Variants in DERPC observed in about 807,000 individuals in gnomAD.
The protein encoded by DERPC is DERPC proline and glycine rich nuclear protein.
A neutral mutation model predicts 7.2 loss-of-function variants in DERPC; 1 was observed. The observed-to-expected ratio is 0.14, with a 90% CI of 0.05 to 0.66. DERPC has a LOEUF of 0.66. DERPC is among the 30% of genes least tolerant of loss of function. DERPC has a pLI of 0.84. For missense variants in DERPC, 502 were observed against 299.4 expected (o/e 1.68, Z -4.99); for synonymous variants, 185 against 117.6 (o/e 1.57, Z -3.71).
chr16:69,122,237 G>A (rs779724948), intron 1 of DERPC, among the ~76,000 whole-genome samples: 3 of 152,124 alleles, frequency 2.0e-5, no homozygotes, highest in Non-Finnish European at 4.4e-5. Context: ...ATCACCAATG[G>A]TCAACTGTAT....
At chr16:69,121,832 T>C (rs1187565606) in intron 1 of DERPC, among the ~76,000 whole-genome samples, 1 of 152,018 alleles carries the variant, frequency 6.6e-6, no homozygotes, top group African/African-American at 2.4e-5. Context: ...CACGGCCGGC[T>C]AATTTTTTTT....
rs1378879550 is a variant in DERPC, at chr16:69,120,045, G to C, written c.384C>G (p.Thr128=). The C allele has an allele frequency of 1.4e-6, 1 of 689,812 alleles. No individual in the cohort carries two copies. 42.7% of individuals were successfully genotyped at this position (689,812 alleles called of 1,614,324 possible). The change falls in exon 3 of 3, where the codon ACC becomes ACG. Residue 128 remains threonine, a synonymous_variant. Transcript: ENST00000519520. The surrounding 1 kb of genome is among the most constrained non-coding windows in gnomAD (Gnocchi z 4.0). ...LLGPGPGPGP[T]LNPRTGALPG... ...GCAGAGCCCCTGTCCTAGGGTTTAG[G>C]GTGGGGCCTGGGCCTGGGCCTGGCC... is the stretch of plus-strand genomic sequence containing the variant.
intron 1 of DERPC, among the ~76,000 whole-genome samples, chr16:69,126,382 G>C (rs754360094): frequency 1.7e-4 from 26 of 152,168 alleles, no homozygotes; most frequent in Non-Finnish European, 3.4e-4. Flanking sequence ...TTGGTTGCTG[G>C]GATGGCACAG....
intron 2 of DERPC, 73 bp downstream of exon 2, chr16:69,121,363 T>C: frequency 7.1e-7 from 1 of 1,400,494 alleles, no homozygotes; most frequent in Non-Finnish European, 9.9e-7. Flanking sequence ...ACCCTGATTC[T>C]TCCAGACACA....
At position 69,119,095 on chromosome 16, in the gene DERPC, G is replaced by A. The variant is rs1961404924; in HGVS notation, c.1334C>T (p.Ala445Val). 2.8e-6 allele frequency: 2 copies of A among 702,962 alleles called. No individual in the cohort carries two copies. Among genetic ancestry groups the A allele is most frequent in the Admixed American group, 2.0e-5 (1 of 50,006 alleles). The allele number at this position is 702,962 out of a possible 1,614,324, so 43.5% of individuals were successfully genotyped here. The change falls in exon 3 of 3, where the codon GCT becomes GTT. Residue 445 changes from alanine to valine, a missense_variant. Physicochemically the swap from Ala to Val is moderately conservative, Grantham distance 64. Coordinates refer to ENST00000519520, the MANE Select transcript of DERPC (RefSeq NM_001002847.4). ...TGGAGAAGGGCCCAGATGCCCGGCAGCTGGCCTGGGGAAAGTAACTTGACC... is the reference window on the plus strand; with the variant it reads ...TGGAGAAGGGCCCAGATGCCCGGCAACTGGCCTGGGGAAAGTAACTTGACC... Reference protein sequence around the residue: ...GPGQVTFPRPAAGHLGPSPAG... With the variant: ...GPGQVTFPRPVAGHLGPSPAG...
In DERPC at chr16:69,118,892, T is replaced by C. The variant is rs1262516621; in HGVS notation, c.1537A>G (p.Met513Val). ...PAAFPRPGGP[M>V]AAMYPNGMLP... ...ATTCCATTTGGGTACATTGCAGCCA[T>C]TGGACCCCCTGGTCTGGGGAAAGCA... The change falls in exon 3 of 3, where the codon ATG (methionine) becomes GTG (valine). Residue 513 changes from methionine (M) to valine (V), a missense_variant. Transcript: ENST00000519520. 2.0e-5 allele frequency: 14 copies of C among 703,064 alleles called. No homozygotes were observed. The highest frequency in any genetic ancestry group is 4.6e-4 in the Middle Eastern group (2 of 4,370). 43.6% of individuals were successfully genotyped at this position (703,064 alleles called of 1,614,324 possible).
Position 69,120,454 on chromosome 16 carries a change from T to C in DERPC, c.-26A>G. ...ACTTTCTTGGGGACGCTGGTGATAA[T>C]GGGCTTGGGGCGGGTTTTGAAAAGG... On this transcript the variant is annotated 5_prime_UTR_variant, in exon 3 of 3. Coordinates refer to ENST00000519520, the MANE Select transcript of DERPC (RefSeq NM_001002847.4). This position sits in a 1 kb window ranked among gnomAD's most constrained non-coding sequence, Gnocchi z 4.0. The C allele has an allele frequency of 1.2e-6, 2 of 1,614,122 alleles. No individual in the cohort carries two copies. Among genetic ancestry groups the C allele is most frequent in the Non-Finnish European group, 1.7e-6 (2 of 1,180,008 alleles).
chr16:69,126,920 G>A (rs1300045090), intron 1 of DERPC, among the ~76,000 whole-genome samples: 2 of 152,156 alleles, frequency 1.3e-5, no homozygotes, highest in Non-Finnish European at 2.9e-5. Flanking sequence ...AGGTGGCAGG[G>A]AGTATATATT....
rs1385033876 is a variant in DERPC at position 69,119,819 on chromosome 16, C to T, written c.610G>A (p.Gly204Ser). The T allele has an allele frequency of 5.1e-5, 36 of 701,094 alleles. No individual in the cohort carries two copies. The highest frequency in any genetic ancestry group is 8.3e-5 in the Non-Finnish European group (32 of 384,972). 43.4% of individuals were successfully genotyped at this position (701,094 alleles called of 1,614,324 possible). A position where few individuals can be genotyped will look rare whatever the true frequency, so the allele number is the denominator to read the frequency against. ...TTGGGGTTTGGTCCTGGGCCCAGGC[C>T]AACTGGCCTAGGATTGGGAGGACCA... The part of the protein sequence containing the change: ...GNGPPNPRPV[G>S]LGPGPNPNLR... Residue 204 changes from glycine (G) to serine (S), a missense_variant, in exon 3 of 3, where the codon GGC becomes AGC. By Grantham distance (56) the Gly-to-Ser change is moderately conservative. Transcript: ENST00000519520.
rs1961361610 is a variant in DERPC, at chr16:69,118,676, C to T, written c.*178G>A. ...CCCACCTGCCACAGTTCACATGCCA[C>T]AAATAACATCTCACCTTCAGTCAAG... On this transcript the variant is annotated 3_prime_UTR_variant, in exon 3 of 3. Coordinates refer to ENST00000519520, the MANE Select transcript of DERPC (RefSeq NM_001002847.4). The T allele has an allele frequency of 1.5e-6, 1 of 675,724 alleles. No individual in the cohort carries two copies. Among genetic ancestry groups the T allele is most frequent in the African/African-American group, 1.8e-5 (1 of 55,920 alleles). 41.9% of individuals were successfully genotyped at this position (675,724 alleles called of 1,614,324 possible). A position where few individuals can be genotyped will look rare whatever the true frequency, so the allele number is the denominator to read the frequency against.
chr16:69,128,271 G>C (rs552583131), intron 1 of DERPC, among the ~76,000 whole-genome samples: 1 of 152,246 alleles, frequency 6.6e-6, no homozygotes, highest in South Asian at 2.1e-4. Context: ...CATGTCTTTC[G>C]TTAGGAACAA....
At chr16:69,129,964 C>A (rs967541058) in intron 1 of DERPC, among the ~76,000 whole-genome samples, 2 of 152,212 alleles carry the variant, frequency 1.3e-5, no homozygotes, top group Non-Finnish European at 2.9e-5. Flanking sequence ...AATGCCACCT[C>A]TAGGACGCAA....
intron 1 of DERPC, among the ~76,000 whole-genome samples, chr16:69,122,770 G>A (rs1477568037): frequency 6.6e-6 from 1 of 152,048 alleles, no homozygotes; most frequent in African/African-American, 2.4e-5. Context: ...TCGAACTCCT[G>A]ACTTCAGGTT....
At chr16:69,125,494 A>G (rs544760038) in intron 1 of DERPC, among the ~76,000 whole-genome samples, 5 of 152,288 alleles carry the variant, frequency 3.3e-5, no homozygotes, top group African/African-American at 1.2e-4. Flanking sequence ...TTCCCAAAGG[A>G]AAAAAAGTAT....
chr16:69,119,572 C>G lies in DERPC; in HGVS notation c.857G>C (p.Gly286Ala). The G allele has an allele frequency of 1.4e-6, 1 of 702,494 alleles. No individual in the cohort carries two copies. Among genetic ancestry groups the G allele is most frequent in the African/African-American group, 1.7e-5 (1 of 57,320 alleles). 43.5% of individuals were successfully genotyped at this position (702,494 alleles called of 1,614,324 possible). Residue 286 changes from glycine to alanine, a missense_variant, in exon 3 of 3, where the codon GGA becomes GCA. Coordinates refer to ENST00000519520, the MANE Select transcript of DERPC (RefSeq NM_001002847.4). ...CTGTGAGAAAGAAGCTGAATTTGCT[C>G]CTAAAAGACCTGCTGCTCTTAGAAT... ...APILRAAGLL[G>A]ANSASFSQAS...
At chr16:69,125,552 T>C (rs184565545) in intron 1 of DERPC, among the ~76,000 whole-genome samples, 1 of 152,248 alleles carries the variant, frequency 6.6e-6, no homozygotes, top group East Asian at 1.9e-4. Context: ...ATGGAGTATA[T>C]GCAATAGCTG....
chr16:69,121,387 TA>T lies in DERPC; in HGVS notation c.-222+48del, dbSNP rs142784676. On this transcript the variant is annotated intron_variant, in intron 2 of 2. Coordinates refer to ENST00000519520, the MANE Select transcript of DERPC (RefSeq NM_001002847.4). The stretch of plus-strand genomic sequence containing the variant: ...CTTCCAGACACATGGCACACCTCTA[TA>T]GCCCTCATCATTTCAAGCCAAATTT... The T allele has an allele frequency of 2.5e-3, 3,822 of 1,524,486 alleles. 138 individuals are homozygous for T. In the East Asian group the frequency reaches 0.071, roughly 28 times the overall value. The allele number at this position is 1,524,486 out of a possible 1,614,324, so 94.4% of individuals were successfully genotyped here.
At chr16:69,121,344 C>A (rs1961640811) in intron 2 of DERPC, 92 bp downstream of exon 2, 2 of 1,264,248 alleles carry the variant, frequency 1.6e-6, no homozygotes, top group East Asian at 4.6e-5. Context: ...GTACAAGATG[C>A]ACCTAAGGAC....
intron 1 of DERPC, among the ~76,000 whole-genome samples, chr16:69,126,076 C>T (rs1206038224): frequency 6.6e-6 from 1 of 152,126 alleles, no homozygotes; most frequent in Non-Finnish European, 1.5e-5. Flanking sequence ...AGAAGGGGCT[C>T]TTGCAAATAT....
Sources: allele counts gnomAD v4.1 joint callset (sites outside exome capture counted in the v4.1 genomes callset), GRCh38; gene constraint gnomAD v4.1.1; non-coding constraint Gnocchi (gnomAD v3.1); transcripts MANE v1.5; gene names NCBI Gene and HGNC (gene_info 2026-07-23, HGNC 2026-07-21).